The following STAB1 variants were observed in gnomAD, a reference collection of about 807,000 sequenced individuals.
STAB1 encodes stabilin-1.
Under a neutral mutation model 332.4 loss-of-function variants are expected in STAB1, and 250 were observed. That is an observed-to-expected ratio of 0.75 (90% CI 0.68 to 0.84). STAB1 has a LOEUF of 0.84. STAB1 is among the 40% of genes least tolerant of loss of function. The pLI is 0.00. For synonymous variants in STAB1, 1,475 were observed against 1,390.4 expected, an observed-to-expected ratio of 1.06 and a Z score of -1.35; for missense variants, 3,249 against 3,489.7, an observed-to-expected ratio of 0.93 and a Z score of 1.74.
chr3:52,514,030 C>T, intron 32 of STAB1, 49 bp downstream of exon 32: 1 of 1,593,064 alleles, frequency 6.3e-7, no homozygotes, highest in South Asian at 1.1e-5. Flanking sequence ...GGACACTGTG[C>T]CCCAGGTCCA....
chr3:52,506,716 G>T lies in STAB1; in HGVS notation c.1855G>T (p.Gly619Trp), dbSNP rs113703788. The change falls in exon 18 of 69, where the codon GGG (glycine) becomes TGG (tryptophan). Residue 619 changes from glycine to tryptophan, a missense_variant. Transcript: ENST00000321725. Reference protein sequence around the residue: ...EEGRILLGPEGVPLQRVDVMA... With the variant: ...EEGRILLGPEWVPLQRVDVMA... ...GGGGCGCATCCTGCTGGGACCCGAG[G>T]GGGTCCCGCTGCAGAGGGTAGACGT... The T allele has an allele frequency of 3.1e-6, 5 of 1,612,032 alleles. No individual in the cohort carries two copies. The Admixed American group carries it at 5.0e-5, about 16-fold the overall frequency.
chr3:52,496,173 T>C (rs546214216), intron 1 of STAB1, among the ~76,000 whole-genome samples: 101 of 152,304 alleles, frequency 6.6e-4, no homozygotes, highest in African/African-American at 2.4e-3. Context: ...CATCCGTGTG[T>C]GCTGGCGAGC....
At chr3:52,514,903 G>T (rs2078805951) in intron 35 of STAB1, 74 bp downstream of exon 35, 2 of 1,612,592 alleles carry the variant, frequency 1.2e-6, no homozygotes, top group East Asian at 4.5e-5. Context: ...CTGACTAGTG[G>T]GGAGGGGCGC....
intron 3 of STAB1, 29 bp downstream of exon 3, chr3:52,501,782 C>T (rs543295690): frequency 2.1e-5 from 32 of 1,541,252 alleles, no homozygotes; most frequent in African/African-American, 1.1e-4. Context: ...CCCCGCCTTG[C>T]GCCTCCCACC....
In STAB1 at chr3:52,506,243, C is replaced by T; in HGVS notation, c.1823C>T (p.Ser608Phe). ...AACCAGGTCCTGGCTGTGAACATTT[C>T]TGAGGAGGTGAGGTGCACGGACACC... ...MANQVLAVNI[S>F]EEGRILLGPE... is the part of the protein sequence containing the mutation. The change falls in exon 17 of 69, where the codon TCT becomes TTT. Residue 608 changes from serine to phenylalanine, a missense_variant. Transcript: ENST00000321725. 6.2e-7 allele frequency: 1 copy of T among 1,611,878 alleles called. No individual in the cohort carries two copies. Among genetic ancestry groups the T allele is most frequent in the South Asian group, 1.1e-5 (1 of 90,496 alleles).
intron 32 of STAB1, 51 bp from the exon 33 acceptor site, chr3:52,514,064 G>T (rs1258136121): frequency 5.6e-6 from 9 of 1,605,290 alleles, no homozygotes; most frequent in Non-Finnish European, 6.0e-6. Context: ...GGCTCCCAGT[G>T]TCAGGACTGA....
intron 14 of STAB1, 101 bp from the exon 15 acceptor site, chr3:52,505,567 C>A: frequency 7.8e-7 from 1 of 1,276,038 alleles, no homozygotes; most frequent in Non-Finnish European, 1.1e-6. Flanking sequence ...CCCCCTTACT[C>A]AGTGGGAGTT....
In STAB1 at chr3:52,524,208, T is replaced by A; in HGVS notation, c.7651T>A (p.Phe2551Ile). 6.2e-7 allele frequency: 1 copy of A among 1,614,076 alleles called. No individual in the cohort carries two copies. Among genetic ancestry groups the A allele is most frequent in the Non-Finnish European group, 8.5e-7 (1 of 1,180,022 alleles). ...VFGSDTFCEP[F>I]DDSLLEEDFP... ...TGGCAGCGACACCTTTTGTGAACCCTTCGATGTAAGCATGGAAGTGAAGAA... is the reference window on the plus strand; with the variant it reads ...TGGCAGCGACACCTTTTGTGAACCCATCGATGTAAGCATGGAAGTGAAGAA... The change falls in exon 68 of 69, where the codon TTC (phenylalanine) becomes ATC (isoleucine). Residue 2551 changes from phenylalanine (F) to isoleucine (I), a missense_variant. Transcript: ENST00000321725.
chr3:52,522,944 T>C lies in STAB1; in HGVS notation c.6910+4T>C. The C allele has an allele frequency of 6.2e-7, 1 of 1,611,578 alleles. No homozygotes were observed. The highest frequency in any genetic ancestry group is 1.1e-5 in the South Asian group (1 of 91,066). On this transcript the variant is annotated splice_donor_region_variant and intron_variant, in intron 62 of 68. Transcript: ENST00000321725. The stretch of plus-strand genomic sequence containing the variant: ...GCCTACTGCTTCCGTGTGCAAGGTG[T>C]GTCCACCCGACCAAACCCTACTTCC...
rs779814406 is a variant in STAB1, at chr3:52,511,654, G to C, written c.2792G>C (p.Arg931Pro). ...GTCTGTTCCTAACCTTTCCAGAGCC[G>C]ATGCACCTGCAAGCTGGGCTTTGCC... The part of the protein sequence containing the change: ...LCSYVGPGQS[R>P]CTCKLGFAGD... Residue 931 changes from arginine (R) to proline (P), a missense_variant, in exon 26 of 69, where the codon CGA becomes CCA. Transcript: ENST00000321725. The C allele has an allele frequency of 1.2e-6, 2 of 1,609,778 alleles. No individual in the cohort carries two copies. Among genetic ancestry groups the C allele is most frequent in the Non-Finnish European group, 8.5e-7 (1 of 1,178,000 alleles).
chr3:52,502,030 C>A lies in STAB1; in HGVS notation c.356C>A (p.Pro119Gln). Reference protein sequence around the residue: ...CHECPGGAETPCNGHGTCLDG... With the variant: ...CHECPGGAETQCNGHGTCLDG... ...GAATGCCCTGGGGGCGCTGAGACCC[C>A]ATGCAATGGCCACGGGACCTGCTTG... The change falls in exon 4 of 69, where the codon CCA becomes CAA. Residue 119 changes from proline to glutamine, a missense_variant. Physicochemically the swap from Pro to Gln is moderately conservative, Grantham distance 76. Coordinates refer to ENST00000321725, the MANE Select transcript of STAB1 (RefSeq NM_015136.3). The A allele has an allele frequency of 6.2e-7, 1 of 1,613,080 alleles. No individual in the cohort carries two copies. Among genetic ancestry groups the A allele is most frequent in the Non-Finnish European group, 8.5e-7 (1 of 1,180,006 alleles).
intron 1 of STAB1, among the ~76,000 whole-genome samples, chr3:52,498,741 C>T (rs1358509842): frequency 6.6e-6 from 1 of 152,240 alleles, no homozygotes; most frequent in Non-Finnish European, 1.5e-5. Flanking sequence ...GCCCAGCTGG[C>T]CAGGTGGCTT....
intron 8 of STAB1, 53 bp downstream of exon 8, chr3:52,503,593 C>A: frequency 6.3e-7 from 1 of 1,590,188 alleles, no homozygotes; most frequent in South Asian, 1.1e-5. Flanking sequence ...CAAACACTGG[C>A]TATGGGACCC....
intron 1 of STAB1, among the ~76,000 whole-genome samples, chr3:52,500,799 G>A (rs916991893): frequency 1.3e-5 from 2 of 152,234 alleles, no homozygotes; most frequent in African/African-American, 4.8e-5. Flanking sequence ...GCCATGTCCT[G>A]GGCTTCAGTT....
At position 52,504,778 on chromosome 3, in the gene STAB1, G is replaced by A. The variant is rs759109499; in HGVS notation, c.1279G>A (p.Ala427Thr). The change falls in exon 12 of 69, where the codon GCA (alanine) becomes ACA (threonine). Residue 427 changes from alanine to threonine, a missense_variant. Physicochemically the swap from Ala to Thr is moderately conservative, Grantham distance 58 (BLOSUM62 0). Transcript: ENST00000321725. ...AQQLCRQHII[A>T]GQHILEDTRT... is the part of the protein sequence containing the mutation. Reference sequence around the variant, plus strand: ...GCAGCTCTGTAGACAGCACATCATCGCAGGGCAGCACATCCTGGAGGACAC... The same window carrying A: ...GCAGCTCTGTAGACAGCACATCATCACAGGGCAGCACATCCTGGAGGACAC... 6.8e-6 allele frequency: 11 copies of A among 1,613,870 alleles called. No homozygotes were observed. The highest frequency in any genetic ancestry group is 2.2e-5 in the East Asian group (1 of 44,888).
intron 11 of STAB1, 32 bp from the exon 12 acceptor site, chr3:52,504,707 G>T: frequency 1.2e-6 from 2 of 1,613,406 alleles, no homozygotes; most frequent in South Asian, 2.2e-5. Flanking sequence ...CTGGCCCCCC[G>T]GCTCACTTTG....
At position 52,523,287 on chromosome 3, in the gene STAB1, G is replaced by T. The variant is rs373807142; in HGVS notation, c.7086G>T (p.Glu2362Asp). ...ACTTCCTGGACTTCCTGGATGATGA[G>T]CTCACGTATAAGACACTCTTCGTCC... is the stretch of plus-strand genomic sequence containing the variant. ...GLDFLDFLDD[E>D]LTYKTLFVPV... The change falls in exon 64 of 69, where the codon GAG becomes GAT. Residue 2362 changes from glutamate (E) to aspartate (D), a missense_variant. By Grantham distance (45) the Glu-to-Asp change is conservative (BLOSUM62 2). Coordinates refer to ENST00000321725, the MANE Select transcript of STAB1 (RefSeq NM_015136.3). 3.1e-6 allele frequency: 5 copies of T among 1,612,812 alleles called. No individual in the cohort carries two copies. Among genetic ancestry groups the T allele is most frequent in the Middle Eastern group, 1.6e-4 (1 of 6,084 alleles).
In STAB1 at chr3:52,504,350, G is replaced by T. The variant is rs996594755; in HGVS notation, c.1151-111G>T. 5.0e-6 allele frequency: 7 copies of T among 1,387,662 alleles called. No individual in the cohort carries two copies. In the African/African-American group the frequency reaches 5.7e-5, roughly 11 times the overall value. The allele number at this position is 1,387,662 out of a possible 1,614,324, so 86.0% of individuals were successfully genotyped here. A position where few individuals can be genotyped will look rare whatever the true frequency, so the allele number is the denominator to read the frequency against. On this transcript the variant is annotated intron_variant, in intron 10 of 68. Transcript: ENST00000321725. ...GGCCCCCATCTACCCTAAATCTAGG[G>T]AGAATACCCCCACCCCAACTCCCCC...
chr3:52,509,329 G>T lies in STAB1; in HGVS notation c.2347+8G>T, dbSNP rs1281478508. 1.2e-6 allele frequency: 2 copies of T among 1,612,262 alleles called. No individual in the cohort carries two copies. Among genetic ancestry groups the T allele is most frequent in the South Asian group, 2.2e-5 (2 of 91,036 alleles). ...GAGAGCAATGCCAGGAAGGTGGGTG[G>T]TCCTGGCTCAGGCCACCTCCTAGGG... On this transcript the variant is annotated splice_region_variant and intron_variant, in intron 22 of 68. Coordinates refer to ENST00000321725, the MANE Select transcript of STAB1 (RefSeq NM_015136.3).
Sources: gnomAD v4.1 joint callset for allele counts (sites outside exome capture counted in the v4.1 genomes callset) on GRCh38, gnomAD v4.1.1 for gene constraint, MANE v1.5 for transcripts, NCBI Gene and HGNC (gene_info 2026-07-23, HGNC 2026-07-21) for gene names.